PHKB: variants seen among roughly 807,000 people sequenced by gnomAD.
PHKB encodes phosphorylase b kinase regulatory subunit beta.
A neutral mutation model predicts 152.1 loss-of-function variants in PHKB; 122 were observed. The observed-to-expected ratio is 0.80, with a 90% CI of 0.69 to 0.93. PHKB has a LOEUF of 0.93. PHKB is among the 40% of genes least tolerant of loss of function. PHKB has a pLI of 0.00. For synonymous variants in PHKB, 436 were observed against 464.9 expected, an observed-to-expected ratio of 0.94 and a Z score of 0.80; for missense variants, 1,304 against 1,328.4, an observed-to-expected ratio of 0.98 and a Z score of 0.29.
intron 8 of PHKB, among the ~76,000 whole-genome samples, chr16:47,584,426 C>T (rs1426074812): frequency 2.0e-5 from 3 of 152,158 alleles, no homozygotes; most frequent in Non-Finnish European, 4.4e-5. Context: ...CAGCTCTGCT[C>T]TTTTGAGACC....
At chr16:47,550,763 G>T (rs996734310) in intron 7 of PHKB, among the ~76,000 whole-genome samples, 14 of 152,118 alleles carry the variant, frequency 9.2e-5, no homozygotes, top group Admixed American at 5.9e-4. Flanking sequence ...CCTCTTTTCT[G>T]TTGTTTGGAA....
chr16:47,655,954 T>G (rs992755577), intron 20 of PHKB, among the ~76,000 whole-genome samples: 1 of 152,166 alleles, frequency 6.6e-6, no homozygotes, highest in African/African-American at 2.4e-5. Context: ...CCATTTTTAG[T>G]TGTGTTTCAG....
chr16:47,551,133 G>A lies in PHKB; in HGVS notation c.710+3585G>A, dbSNP rs372232931. Among the ~76,000 whole-genome samples, 5 of 151,784 alleles carry A rather than the reference G, an allele frequency of 3.3e-5. No individual in the cohort carries two copies. The South Asian group carries it at 6.2e-4, about 19-fold the overall frequency. ...TTCTTCTTTATTAGTCTTGGTAGTG[G>A]TCTATTTCGTTAATCTTTTCAAAAA... On this transcript the variant is annotated intron_variant, in intron 7 of 30. Coordinates refer to ENST00000323584, the MANE Select transcript of PHKB (RefSeq NM_000293.3).
intron 7 of PHKB, chr16:47,562,587 C>T (rs1229411130): frequency 6.6e-6 from 1 of 152,186 alleles, no homozygotes; most frequent in Non-Finnish European, 1.5e-5. Flanking sequence ...TACATTATTG[C>T]TTAAACATGC....
chr16:47,477,394 T>A (rs1969886760), intron 1 of PHKB, among the ~76,000 whole-genome samples: 1 of 152,194 alleles, frequency 6.6e-6, no homozygotes, highest in African/African-American at 2.4e-5. Context: ...TAATTAATCA[T>A]GTTCGAAGAT....
chr16:47,688,955 A>G (rs1356840688), intron 26 of PHKB, 86 bp from the exon 27 acceptor site: 3 of 1,372,360 alleles, frequency 2.2e-6, no homozygotes, highest in East Asian at 2.3e-5. Context: ...TGAATGGGTC[A>G]GTGCTATTAA....
intron 7 of PHKB, among the ~76,000 whole-genome samples, chr16:47,573,063 T>C (rs957218571): frequency 4.6e-5 from 7 of 152,156 alleles, no homozygotes; most frequent in African/African-American, 9.7e-5. Context: ...TCAACCCTTG[T>C]GTCTTCTCAT....
At chr16:47,595,354 A>G (rs1470622210) in intron 12 of PHKB, among the ~76,000 whole-genome samples, 1 of 152,180 alleles carries the variant, frequency 6.6e-6, no homozygotes, top group African/African-American at 2.4e-5. Flanking sequence ...AATCTGTGCA[A>G]TTTCATTAGA....
chr16:47,592,451 ATACT>A (rs1047121201), intron 10 of PHKB, among the ~76,000 whole-genome samples: 1 of 152,176 alleles, frequency 6.6e-6, no homozygotes, highest in African/African-American at 2.4e-5. Flanking sequence ...ATTCTTTAAC[ATACT>A]TTGTGATTCT....
chr16:47,544,637 T>C lies in PHKB; in HGVS notation c.595-2796T>C, dbSNP rs555011514. Among the ~76,000 whole-genome samples, 254 of 152,346 alleles carry C rather than the reference T, an allele frequency of 1.7e-3. 1 individual carries two copies. Among genetic ancestry groups the C allele is most frequent in the Non-Finnish European group, 2.7e-3 (182 of 68,028 alleles). ...TCCAGAGCTGAGTTCACATCCTGGA[T>C]ATCCTTGTTACCCTTCTGTCTTGTT... On this transcript the variant is annotated intron_variant, in intron 6 of 30. Coordinates refer to ENST00000323584, the MANE Select transcript of PHKB (RefSeq NM_000293.3).
rs575051931 is a variant in PHKB at position 47,542,187 on chromosome 16, A to G, written c.595-5246A>G. The stretch of plus-strand genomic sequence containing the variant: ...TTAATTTTCCTATAAGGTATAAGGT[A>G]TAAGGAAGGGATCTAGTTTCAGCTT... On this transcript the variant is annotated intron_variant, in intron 6 of 30. Coordinates refer to ENST00000323584, the MANE Select transcript of PHKB (RefSeq NM_000293.3). 1.2e-3 allele frequency among the ~76,000 whole-genome samples: 182 copies of G among 152,064 alleles called. 1 individual carries two copies. The highest frequency in any genetic ancestry group is 2.1e-3 in the Non-Finnish European group (142 of 67,900).
chr16:47,609,363 G>T (rs1183337911), intron 13 of PHKB, among the ~76,000 whole-genome samples: 2 of 140,254 alleles, frequency 1.4e-5, no homozygotes, highest in Non-Finnish European at 3.0e-5. Flanking sequence ...TAATTTTCTT[G>T]TGATACTTTG....
At chr16:47,566,964 T>G in intron 7 of PHKB, 1 of 519,874 alleles carries the variant, frequency 1.9e-6, no homozygotes. Context: ...GCTTTGTGTG[T>G]CTATTTTTGT....
intron 13 of PHKB, among the ~76,000 whole-genome samples, chr16:47,602,230 C>G (rs1445688052): frequency 6.6e-6 from 1 of 152,100 alleles, no homozygotes; most frequent in Admixed American, 6.6e-5. Context: ...CTGGCAGGAT[C>G]TTTTTCTTTT....
At chr16:47,566,494 T>C (rs1430171235) in intron 7 of PHKB, 7 of 1,607,536 alleles carry the variant, frequency 4.4e-6, no homozygotes, top group Admixed American at 3.3e-5. Context: ...CCTTTCAACT[T>C]CTCTGGATTG....
intron 7 of PHKB, chr16:47,548,013 G>T (rs1971204170): frequency 1.1e-5 from 2 of 178,062 alleles, no homozygotes; most frequent in South Asian, 2.4e-4. Flanking sequence ...AACATTCATT[G>T]TTACCAGTAA....
rs1974189408 is a variant in PHKB at position 47,698,460 on chromosome 16, G to A, written c.3016G>A (p.Val1006Ile). 1.2e-6 allele frequency: 2 copies of A among 1,609,900 alleles called. No homozygotes were observed. Among genetic ancestry groups the A allele is most frequent in the Middle Eastern group, 3.3e-4 (2 of 6,034 alleles). Reference sequence around the variant, plus strand: ...CTGTCTCTTCTAGTTACTTATGGTTGTATCCATTGTACTGGAAAGAAACCC... The same window carrying A: ...CTGTCTCTTCTAGTTACTTATGGTTATATCCATTGTACTGGAAAGAAACCC... ...RQIVVELLMV[V>I]SIVLERNPEL... The change falls in exon 30 of 31, where the codon GTA becomes ATA. Residue 1006 changes from valine (V) to isoleucine (I), a missense_variant. Coordinates refer to ENST00000323584, the MANE Select transcript of PHKB (RefSeq NM_000293.3).
chr16:47,623,954 T>C (rs1251673230), intron 14 of PHKB, among the ~76,000 whole-genome samples: 1 of 152,228 alleles, frequency 6.6e-6, no homozygotes, highest in African/African-American at 2.4e-5. Flanking sequence ...AAGAATGGTA[T>C]TGAATTAGAA....
At chr16:47,586,987 T>G (rs1185362037) in intron 8 of PHKB, among the ~76,000 whole-genome samples, 1 of 152,114 alleles carries the variant, frequency 6.6e-6, no homozygotes, top group African/African-American at 2.4e-5. Context: ...TATGGGGGAA[T>G]TGTATAATCT....
Sources: gnomAD v4.1 joint callset for allele counts (sites outside exome capture counted in the v4.1 genomes callset) on GRCh38, gnomAD v4.1.1 for gene constraint, MANE v1.5 for transcripts, NCBI Gene and HGNC (gene_info 2026-07-23, HGNC 2026-07-21) for gene names.